PRORP: variants seen among roughly 807,000 people sequenced by gnomAD.
PRORP encodes the protein mitochondrial ribonuclease P catalytic subunit.
Under a neutral mutation model 59.4 loss-of-function variants are expected in PRORP, and 51 were observed. That is an observed-to-expected ratio of 0.86 (90% confidence interval 0.69 to 1.08). The LOEUF is 1.08. Among genes scored for constraint, PRORP ranks in the 50% least tolerant of loss-of-function variants. PRORP has a pLI of 0.00. For missense variants in PRORP, 646 were observed against 690.3 expected, an observed-to-expected ratio of 0.94 and a Z score of 0.72; for synonymous variants, 231 against 245.6, an observed-to-expected ratio of 0.94 and a Z score of 0.55.
chr14:35,126,900 G>A (rs2047112045), intron 3 of PRORP, 118 bp downstream of exon 3: 1 of 735,240 alleles, frequency 1.4e-6, no homozygotes, highest in Non-Finnish European at 2.2e-6. Context: ...TTTGTAATTA[G>A]AGTATCTGAG....
At chr14:35,161,220 G>C (rs1297240321) in intron 4 of PRORP, among the ~76,000 whole-genome samples, 1 of 152,172 alleles carries the variant, frequency 6.6e-6, no homozygotes, top group Admixed American at 6.5e-5. Flanking sequence ...ACATACAGGG[G>C]CTTTTATAGT....
chr14:35,172,495 T>TTTCC (rs1477719350), intron 4 of PRORP, among the ~76,000 whole-genome samples: 7 of 49,124 alleles, frequency 1.4e-4, no homozygotes, highest in Non-Finnish European at 2.1e-4. Context: ...TCCCTTCCTC[T>TTTCC]CTCCCTCTCT....
chr14:35,127,490 C>A lies in PRORP; in HGVS notation c.1046C>A (p.Ser349Ter). The change falls in exon 4 of 8, where the codon TCG (serine) becomes TAG (stop). Residue 349 changes from serine (S) to a stop codon, truncating the protein, a stop_gained. Coordinates refer to ENST00000534898, the MANE Select transcript of PRORP (RefSeq NM_014672.4). LOFTEE classifies it high-confidence loss of function. The stretch of plus-strand genomic sequence containing the variant: ...AATTATAATTACAGTGGCCAGTGTT[C>A]GGGCTGTGGAAAAACCATAGAGTCT... Reference protein sequence around the residue: ...FTTVRKSGQCSGCGKTIESIQ... With the variant: ...FTTVRKSGQC The A allele has an allele frequency of 1.9e-6, 3 of 1,603,158 alleles. No individual in the cohort carries two copies. The South Asian group carries it at 3.4e-5, about 18-fold the overall frequency.
At chr14:35,199,565 G>A (rs779632110) in intron 5 of PRORP, among the ~76,000 whole-genome samples, 19 of 152,144 alleles carry the variant, frequency 1.2e-4, no homozygotes, top group Non-Finnish European at 7.3e-5. Context: ...TTGCCTCACT[G>A]TGTGAGGACA....
At position 35,131,780 on chromosome 14, in the gene PRORP, C is replaced by G. The variant is rs146644810; in HGVS notation, c.1167+4169C>G. On this transcript the variant is annotated intron_variant, in intron 4 of 7. Coordinates refer to ENST00000534898, the MANE Select transcript of PRORP (RefSeq NM_014672.4). ...CTGACCTCAGGTGATTCGCCTGCCT[C>G]AGCCTCCCAAAGTGCTGGGATTATA... is the stretch of plus-strand genomic sequence containing the variant. Among the ~76,000 whole-genome samples, 997 of 152,084 alleles carry G rather than the reference C, an allele frequency of 6.6e-3. 24 individuals are homozygous for G. The East Asian group carries it at 0.068, about 10-fold the overall frequency.
At chr14:35,260,663 T>C (rs113045160) in intron 5 of PRORP, among the ~76,000 whole-genome samples, 7,440 of 152,324 alleles carry the variant, frequency 0.049, 270 homozygotes, top group African/African-American at 0.098. Context: ...GCAACAGTCA[T>C]GTGTAATCCT....
chr14:35,237,546 A>C (rs1281293881), intron 5 of PRORP, among the ~76,000 whole-genome samples: 2 of 152,208 alleles, frequency 1.3e-5, no homozygotes, highest in Admixed American at 1.3e-4. Context: ...CCACAGGCAA[A>C]AATGACCATG....
intron 6 of PRORP, among the ~76,000 whole-genome samples, chr14:35,269,731 A>G (rs1213778804): frequency 6.6e-6 from 1 of 152,092 alleles, no homozygotes; most frequent in Non-Finnish European, 1.5e-5. Context: ...AAATGGTCCT[A>G]TTTAGGGTCA....
At chr14:35,246,566 G>A (rs1405535619) in intron 5 of PRORP, among the ~76,000 whole-genome samples, 1 of 152,116 alleles carries the variant, frequency 6.6e-6, no homozygotes, top group Non-Finnish European at 1.5e-5. Context: ...TGTAAAGTCA[G>A]TTACCACTTG....
chr14:35,217,720 T>C (rs1474078758), intron 5 of PRORP, among the ~76,000 whole-genome samples: 1 of 152,164 alleles, frequency 6.6e-6, no homozygotes, highest in Non-Finnish European at 1.5e-5. Flanking sequence ...ACTTGAATTA[T>C]CTTGGTACCC....
At chr14:35,133,589 G>T (rs965996380) in intron 4 of PRORP, among the ~76,000 whole-genome samples, 31 of 152,208 alleles carry the variant, frequency 2.0e-4, no homozygotes, top group African/African-American at 7.5e-4. Flanking sequence ...GAAGAGTTAG[G>T]TATTTATTGT....
chr14:35,175,933 G>A (rs2048437964), intron 4 of PRORP, among the ~76,000 whole-genome samples: 1 of 152,098 alleles, frequency 6.6e-6, no homozygotes, highest in Non-Finnish European at 1.5e-5. Flanking sequence ...TGTAAGGAAG[G>A]GATCCAGTTT....
chr14:35,249,749 C>T (rs1210494721), intron 5 of PRORP, among the ~76,000 whole-genome samples: 1 of 152,082 alleles, frequency 6.6e-6, no homozygotes, highest in Non-Finnish European at 1.5e-5. Context: ...ATTTTAAGGA[C>T]TTCCATATTT....
intron 5 of PRORP, among the ~76,000 whole-genome samples, chr14:35,252,628 C>T (rs1038557073): frequency 1.3e-5 from 2 of 152,088 alleles, no homozygotes; most frequent in Admixed American, 6.6e-5. Flanking sequence ...GCTCTCTCTA[C>T]GTGTCTGCAG....
intron 5 of PRORP, among the ~76,000 whole-genome samples, chr14:35,248,648 GA>G (rs753374306): frequency 7.9e-5 from 12 of 152,210 alleles, no homozygotes; most frequent in Non-Finnish European, 1.6e-4. Flanking sequence ...AAGAATATTT[GA>G]AACTAGAAGC....
chr14:35,129,656 T>G (rs1265208796), intron 4 of PRORP, among the ~76,000 whole-genome samples: 2 of 151,258 alleles, frequency 1.3e-5, no homozygotes, highest in African/African-American at 4.9e-5. Flanking sequence ...TTTTTTTGTA[T>G]TTTTAGTACA....
In PRORP at chr14:35,202,907, T is replaced by C. The variant is rs1313613083; in HGVS notation, c.1275+22130T>C. ...CCTTAGCCTCCCAAAGTGCTGGGAT[T>C]ACAGGTGTGAGCCAGGGCACTTGGC... On this transcript the variant is annotated intron_variant, in intron 5 of 7. Coordinates refer to ENST00000534898, the MANE Select transcript of PRORP (RefSeq NM_014672.4). Among the ~76,000 whole-genome samples, 6 of 152,210 alleles carry C rather than the reference T, an allele frequency of 3.9e-5. No individual in the cohort carries two copies. In the East Asian group the frequency reaches 9.6e-4, roughly 24 times the overall value.
At chr14:35,190,312 C>T (rs1406010249) in intron 5 of PRORP, among the ~76,000 whole-genome samples, 7 of 150,372 alleles carry the variant, frequency 4.7e-5, no homozygotes, top group Non-Finnish European at 1.0e-4. Flanking sequence ...GCAGGAGAAT[C>T]GCTTGAATCC....
intron 5 of PRORP, among the ~76,000 whole-genome samples, chr14:35,231,670 T>C (rs1438632721): frequency 6.6e-6 from 1 of 152,158 alleles, no homozygotes. Context: ...GCGCCAACTC[T>C]CTTGAAATAA....
Sources: gnomAD v4.1 joint callset for allele counts (sites outside exome capture counted in the v4.1 genomes callset) on GRCh38, gnomAD v4.1.1 for gene constraint, MANE v1.5 for transcripts, NCBI Gene and HGNC (gene_info 2026-07-23, HGNC 2026-07-21) for gene names.